The following CUEDC1 variants were observed in gnomAD, a reference collection of about 807,000 sequenced individuals.
CUEDC1 encodes the protein CUE domain-containing protein 1.
CUEDC1 carries 30 observed loss-of-function variants against 43.7 expected under a neutral mutation model. The ratio of observed to expected loss-of-function variants is 0.69; its 90% confidence interval spans 0.51 to 0.93. The LOEUF (loss-of-function observed/expected upper bound fraction) is 0.93. Among genes scored for constraint, CUEDC1 ranks in the 40% least tolerant of loss-of-function variants. The pLI, the probability that CUEDC1 is intolerant of heterozygous loss-of-function variation, is 0.00. For synonymous variants in CUEDC1, 223 were observed against 223.6 expected (o/e 1.00, Z 0.02); for missense variants, 486 against 549.0 (o/e 0.89, Z 1.15).
intron 1 of CUEDC1, among the ~76,000 whole-genome samples, chr17:57,948,793 C>A (rs2074979882): frequency 6.6e-6 from 1 of 152,196 alleles, no homozygotes; most frequent in Non-Finnish European, 1.5e-5. Context: ...CTTGAATCCT[C>A]CCTCTGTAGT....
At chr17:57,872,642 G>A in intron 5 of CUEDC1, 21 bp downstream of exon 5, 1 of 1,611,768 alleles carries the variant, frequency 6.2e-7, no homozygotes, top group Non-Finnish European at 8.5e-7. Flanking sequence ...CCAGGGAGAA[G>A]TGGCTGCAGG....
At chr17:57,919,567 C>T (rs1359358635) in intron 1 of CUEDC1, among the ~76,000 whole-genome samples, 2 of 152,138 alleles carry the variant, frequency 1.3e-5, no homozygotes, top group South Asian at 2.1e-4. Flanking sequence ...TGTTGCTTTC[C>T]TTCCCTGGAG....
chr17:57,950,121 C>T (rs1298633882), intron 1 of CUEDC1, among the ~76,000 whole-genome samples: 1 of 152,146 alleles, frequency 6.6e-6, no homozygotes, highest in Non-Finnish European at 1.5e-5. Context: ...CAAGCCTATC[C>T]CTTCACAGAA....
At chr17:57,892,777 C>G (rs1336438918) in intron 1 of CUEDC1, 1 of 112,114 alleles carries the variant, frequency 8.9e-6, no homozygotes, top group East Asian at 3.1e-4. Context: ...GGGAGAAGAA[C>G]CACCCAGTTG....
intron 1 of CUEDC1, among the ~76,000 whole-genome samples, chr17:57,897,890 G>A (rs1378554802): frequency 6.6e-6 from 1 of 152,134 alleles, no homozygotes; most frequent in Non-Finnish European, 1.5e-5. Flanking sequence ...GCAGGTGCCT[G>A]TAATCTCAGC....
chr17:57,901,866 T>C (rs1278461548), intron 1 of CUEDC1, among the ~76,000 whole-genome samples: 2 of 152,342 alleles, frequency 1.3e-5, no homozygotes, highest in African/African-American at 2.4e-5. Context: ...GCTTCTTCGA[T>C]AATCATCATT....
intron 1 of CUEDC1, among the ~76,000 whole-genome samples, chr17:57,936,687 T>C (rs1039674609): frequency 6.6e-5 from 10 of 152,014 alleles, no homozygotes; most frequent in Non-Finnish European, 1.0e-4. Flanking sequence ...GCAACCCGGG[T>C]GAGGCTCAGA....
At chr17:57,906,423 G>A (rs2074530246) in intron 1 of CUEDC1, among the ~76,000 whole-genome samples, 1 of 152,198 alleles carries the variant, frequency 6.6e-6, no homozygotes. Context: ...CATAGAGACA[G>A]AAAGTAGAAT....
At chr17:57,904,860 C>A (rs1401576465) in intron 1 of CUEDC1, among the ~76,000 whole-genome samples, 1 of 152,160 alleles carries the variant, frequency 6.6e-6, no homozygotes, top group Non-Finnish European at 1.5e-5. Flanking sequence ...CTGCTCCATC[C>A]GTGCTGGGAC....
Position 57,873,634 on chromosome 17 carries a change from T to A in CUEDC1, c.548A>T (p.Asp183Val). Residue 183 changes from aspartate to valine, a missense_variant, in exon 4 of 11, where the codon GAT (aspartate) becomes GTT (valine). Physicochemically the swap from Asp to Val is radical, Grantham distance 152. Coordinates refer to ENST00000577830, the MANE Select transcript of CUEDC1 (RefSeq NM_001271875.2). ...CTGGGGCAGGATGCGGAGAAAGTCA[T>A]CCGGAAGGTTGCCCAGCAGTGGTGG... ...WNPPLLGNLP[D>V]DFLRILPQQL... is the part of the protein sequence containing the mutation. The A allele has an allele frequency of 6.2e-7, 1 of 1,604,008 alleles. No homozygotes were observed. Among genetic ancestry groups the A allele is most frequent in the South Asian group, 1.1e-5 (1 of 89,384 alleles).
At chr17:57,880,991 G>A (rs1356781923) in intron 2 of CUEDC1, among the ~76,000 whole-genome samples, 1 of 152,192 alleles carries the variant, frequency 6.6e-6, no homozygotes, top group Non-Finnish European at 1.5e-5. Context: ...AATCTCAGGT[G>A]CCCCAGAGCC....
At chr17:57,940,156 C>T (rs999645217) in intron 1 of CUEDC1, among the ~76,000 whole-genome samples, 1 of 151,880 alleles carries the variant, frequency 6.6e-6, no homozygotes, top group African/African-American at 2.4e-5. Context: ...ATAAAGGAGC[C>T]GTTAAAAACC....
At chr17:57,869,280 CAAAG>C (rs1317781680) in intron 6 of CUEDC1, 87 bp from the exon 7 acceptor site, 1 of 1,172,502 alleles carries the variant, frequency 8.5e-7, no homozygotes, top group African/African-American at 1.5e-5. Context: ...AGGACAAATG[CAAAG>C]AAAGAGCAGG....
rs140561360 is a variant in CUEDC1, at chr17:57,921,518, A to T, written c.-316+33707T>A. Among the ~76,000 whole-genome samples the T allele has an allele frequency of 1.2e-4, 19 of 152,334 alleles. 1 individual carries two copies. The East Asian group carries it at 2.3e-3, about 19-fold the overall frequency. On this transcript the variant is annotated intron_variant, in intron 1 of 10. Transcript: ENST00000577830. ...TTTTCAAATCCTTATTCGAACTTAG[A>T]AGTTAGGCTTGGACGTGGTTCAAAA...
chr17:57,874,597 G>C (rs2074085217), intron 3 of CUEDC1, among the ~76,000 whole-genome samples: 1 of 152,130 alleles, frequency 6.6e-6, no homozygotes, highest in Non-Finnish European at 1.5e-5. Context: ...CTCGGAGCCC[G>C]GCCAGGAGGT....
intron 1 of CUEDC1, among the ~76,000 whole-genome samples, chr17:57,937,722 T>G (rs1426258992): frequency 6.6e-6 from 1 of 151,686 alleles, no homozygotes; most frequent in Non-Finnish European, 1.5e-5. Context: ...CTGGGCAACA[T>G]AGCAAGACCC....
At chr17:57,887,425 G>A (rs1459437215) in intron 1 of CUEDC1, among the ~76,000 whole-genome samples, 1 of 151,902 alleles carries the variant, frequency 6.6e-6, no homozygotes, top group East Asian at 1.9e-4. Flanking sequence ...ATATCCTTGA[G>A]TTTGATGAAA....
intron 1 of CUEDC1, among the ~76,000 whole-genome samples, chr17:57,941,938 G>A (rs1362604470): frequency 6.6e-6 from 1 of 152,178 alleles, no homozygotes; most frequent in Non-Finnish European, 1.5e-5. Flanking sequence ...AAATGTGTGT[G>A]GAGAAGCCAG....
intron 1 of CUEDC1, among the ~76,000 whole-genome samples, chr17:57,953,580 G>T (rs561176759): frequency 9.9e-4 from 151 of 152,314 alleles, no homozygotes; most frequent in African/African-American, 3.3e-3. Flanking sequence ...TTCCAAGGGG[G>T]TATATTAACC....
Sources: gnomAD v4.1 joint callset for allele counts (sites outside exome capture counted in the v4.1 genomes callset) on GRCh38, gnomAD v4.1.1 for gene constraint, MANE v1.5 for transcripts, NCBI Gene and HGNC (gene_info 2026-07-23, HGNC 2026-07-21) for gene names.